Variants in HECTD4 observed in about 807,000 individuals in gnomAD.
HECTD4 encodes the protein probable E3 ubiquitin-protein ligase HECTD4.
In HECTD4, 114 loss-of-function variants were observed where a neutral mutation model predicts 471.5. The ratio of observed to expected loss-of-function variants is 0.24; its 90% CI spans 0.21 to 0.28. HECTD4 has a LOEUF of 0.28. Ranked by LOEUF, HECTD4 falls within the 10% of genes least tolerant of loss-of-function variation. The pLI is 1.00. For synonymous variants in HECTD4, 2,012 were observed against 2,256.0 expected, an observed-to-expected ratio of 0.89 and a Z score of 3.07; for missense variants, 3,866 against 5,651.5, an observed-to-expected ratio of 0.68 and a Z score of 10.13.
In HECTD4 at chr12:112,160,856, A is replaced by G. The variant is rs770221726; in HGVS notation, c.*1531T>C. 6.6e-6 allele frequency: 1 copy of G among 152,092 alleles called. No individual in the cohort carries two copies. The highest frequency in any genetic ancestry group is 2.4e-5 in the African/African-American group (1 of 41,418). The allele number at this position is 152,092 out of a possible 1,614,324, so 9.4% of individuals were successfully genotyped here. On this transcript the variant is annotated 3_prime_UTR_variant, in exon 76 of 76. Transcript: ENST00000682272. Reference sequence around the variant, plus strand: ...CAAAGCAGGGGAACTGCTTGCGGGCACTCACCTCCAGAGTTGACTTGCATC... The same window carrying G: ...CAAAGCAGGGGAACTGCTTGCGGGCGCTCACCTCCAGAGTTGACTTGCATC...
Position 112,228,392 on chromosome 12 carries a change from A to G in HECTD4, c.6685-134T>C. 2 of 1,019,034 alleles carry G rather than the reference A, an allele frequency of 2.0e-6. No homozygotes were observed. Among genetic ancestry groups the G allele is most frequent in the Non-Finnish European group, 2.7e-6 (2 of 741,014 alleles). The allele number at this position is 1,019,034 out of a possible 1,614,324, so 63.1% of individuals were successfully genotyped here. Reference sequence around the variant, plus strand: ...AAATAAAATCACCATACAGAAAACTACAAACCACATCAAAACAATTAAAAA... The same window carrying G: ...AAATAAAATCACCATACAGAAAACTGCAAACCACATCAAAACAATTAAAAA... On this transcript the variant is annotated intron_variant, in intron 42 of 75. Coordinates refer to ENST00000682272, the MANE Select transcript of HECTD4 (RefSeq NM_001388303.1). The surrounding 1 kb of genome is among the most constrained non-coding windows in gnomAD (Gnocchi z 4.9).
intron 7 of HECTD4, among the ~76,000 whole-genome samples, chr12:112,298,195 G>C (rs1266935576): frequency 2.0e-5 from 3 of 152,180 alleles, no homozygotes; most frequent in Admixed American, 6.5e-5. Flanking sequence ...AGAGTGCCTT[G>C]AGGTGGGCAC....
chr12:112,323,979 TTCC>T (rs2035658476), intron 1 of HECTD4, among the ~76,000 whole-genome samples: 1 of 20,722 alleles, frequency 4.8e-5, no homozygotes, highest in African/African-American at 4.3e-4. Flanking sequence ...CCTTCCTTCC[TTCC>T]TTCCTTCCTT....
intron 61 of HECTD4, 44 bp from the exon 62 acceptor site, chr12:112,183,310 A>C (rs760862115): frequency 4.8e-6 from 7 of 1,462,698 alleles, no homozygotes; most frequent in Non-Finnish European, 6.7e-6. Context: ...TAGCTTGACC[A>C]GTCATTCAGT....
chr12:112,291,315 A>G (rs1010751184), intron 7 of HECTD4, among the ~76,000 whole-genome samples: 1 of 152,218 alleles, frequency 6.6e-6, no homozygotes, highest in African/African-American at 2.4e-5. Flanking sequence ...CACATATTTC[A>G]GTGTATATCA....
At chr12:112,284,425 A>C (rs2034707090) in intron 7 of HECTD4, among the ~76,000 whole-genome samples, 1 of 152,172 alleles carries the variant, frequency 6.6e-6, no homozygotes, top group South Asian at 2.1e-4. Flanking sequence ...TTCAGAAGCA[A>C]AGGGAAAGCA....
chr12:112,265,893 T>C lies in HECTD4; in HGVS notation c.2483A>G (p.Glu828Gly). The change falls in exon 15 of 76, where the codon GAG becomes GGG. Residue 828 changes from glutamate (E) to glycine (G), a missense_variant. Transcript: ENST00000682272. ...QLQNNRFGSD[E>G]DDHYRLNDEL... is the part of the protein sequence containing the mutation. ...CTGGTGTCACCTGTAATGATCATCC[T>C]CATCACTGCCAAATCGGTTGTTTTG... The C allele has an allele frequency of 1.2e-6, 2 of 1,613,646 alleles. No individual in the cohort carries two copies. The highest frequency in any genetic ancestry group is 1.7e-6 in the Non-Finnish European group (2 of 1,179,556).
intron 70 of HECTD4, among the ~76,000 whole-genome samples, chr12:112,168,358 C>T (rs1473653123): frequency 6.6e-6 from 1 of 152,226 alleles, no homozygotes; most frequent in Admixed American, 6.5e-5. Flanking sequence ...TCCCCCAGTG[C>T]CCGGGCTCGC....
intron 21 of HECTD4, 72 bp from the exon 22 acceptor site, chr12:112,254,234 C>T (rs768939256): frequency 1.9e-6 from 3 of 1,555,124 alleles, no homozygotes; most frequent in Non-Finnish European, 2.6e-6. Flanking sequence ...AAAAAGGCTG[C>T]AAAAACATTT....
intron 2 of HECTD4, among the ~76,000 whole-genome samples, chr12:112,316,787 A>T (rs766203904): frequency 9.9e-5 from 15 of 152,126 alleles, no homozygotes; most frequent in Non-Finnish European, 1.6e-4. Flanking sequence ...AGATGATCTA[A>T]CACTGAAAAG....
Position 112,258,579 on chromosome 12 carries a change from T to C in HECTD4, c.3045A>G (p.Lys1015=). Residue 1015 remains lysine, a synonymous_variant, in exon 20 of 76, where the codon AAA becomes AAG. Coordinates refer to ENST00000682272, the MANE Select transcript of HECTD4 (RefSeq NM_001388303.1). ...LYTSQTALLL[K]TQCPVFAEVG... The stretch of plus-strand genomic sequence containing the variant: ...CCTCAGCAAAAACCGGACACTGGGT[T>C]TTAAGCAGCAACGCCGTCTGAAACA... The C allele has an allele frequency of 6.2e-7, 1 of 1,602,980 alleles. No individual in the cohort carries two copies. The highest frequency in any genetic ancestry group is 1.1e-5 in the South Asian group (1 of 89,400).
At chr12:112,338,687 G>A (rs1478057005) in intron 1 of HECTD4, among the ~76,000 whole-genome samples, 1 of 152,086 alleles carries the variant, frequency 6.6e-6, no homozygotes, top group Admixed American at 6.5e-5. Flanking sequence ...CAGAAAAGAA[G>A]TTTAACTGGC....
At chr12:112,274,753 A>G in intron 10 of HECTD4, 94 bp downstream of exon 10, 1 of 758,352 alleles carries the variant, frequency 1.3e-6, no homozygotes, top group South Asian at 1.7e-5. Flanking sequence ...CTTTTCAAGA[A>G]AACTAGAATG....
intron 67 of HECTD4, among the ~76,000 whole-genome samples, chr12:112,171,847 G>A (rs905718194): frequency 2.0e-5 from 3 of 152,162 alleles, no homozygotes; most frequent in African/African-American, 7.2e-5. Context: ...TGAACTGCTC[G>A]CCAATACCTT....
chr12:112,366,906 A>G (rs1362806618), intron 1 of HECTD4, among the ~76,000 whole-genome samples: 1 of 151,142 alleles, frequency 6.6e-6, no homozygotes, highest in Non-Finnish European at 1.5e-5. Flanking sequence ...AGAAAGAAAA[A>G]GAAAAAGAAA....
chr12:112,161,072 T>A lies in HECTD4; in HGVS notation c.*1315A>T, dbSNP rs1265333404. Reference sequence around the variant, plus strand: ...GCACATCTTCTTTCTTGGACCAGCATCCACACTCCAAAACCTTCTAGACAG... The same window carrying A: ...GCACATCTTCTTTCTTGGACCAGCAACCACACTCCAAAACCTTCTAGACAG... On this transcript the variant is annotated 3_prime_UTR_variant, in exon 76 of 76. Coordinates refer to ENST00000682272, the MANE Select transcript of HECTD4 (RefSeq NM_001388303.1). 1 of 152,206 alleles carries A rather than the reference T, an allele frequency of 6.6e-6. No homozygotes were observed. The highest frequency in any genetic ancestry group is 1.9e-4 in the East Asian group (1 of 5,198). 9.4% of individuals were successfully genotyped at this position (152,206 alleles called of 1,614,324 possible). A position where few individuals can be genotyped will look rare whatever the true frequency, so the allele number is the denominator to read the frequency against.
At chr12:112,216,512 C>A in intron 47 of HECTD4, 141 bp from the exon 48 acceptor site, 1 of 680,208 alleles carries the variant, frequency 1.5e-6, no homozygotes, top group South Asian at 1.9e-5. Flanking sequence ...TATTAAAATA[C>A]CCACACCAAT....
intron 7 of HECTD4, among the ~76,000 whole-genome samples, chr12:112,286,236 C>T (rs538579857): frequency 6.6e-6 from 1 of 152,186 alleles, no homozygotes; most frequent in Non-Finnish European, 1.5e-5. Context: ...GAGTGAGAAG[C>T]AGCCCAGGCT....
chr12:112,244,571 A>G (rs1260101220), intron 29 of HECTD4, among the ~76,000 whole-genome samples: 1 of 152,150 alleles, frequency 6.6e-6, no homozygotes, highest in Non-Finnish European at 1.5e-5. Flanking sequence ...GGGTTTCGCC[A>G]TGTTGGCCAG....
Sources: gnomAD v4.1 joint callset for allele counts (sites outside exome capture counted in the v4.1 genomes callset) on GRCh38, gnomAD v4.1.1 for gene constraint, Gnocchi (gnomAD v3.1) non-coding constraint, MANE v1.5 for transcripts, NCBI Gene and HGNC (gene_info 2026-07-23, HGNC 2026-07-21) for gene names.